The following LRBA variants were observed in gnomAD, a reference collection of about 807,000 sequenced individuals.
The protein encoded by LRBA is LPS responsive beige-like anchor protein.
In LRBA, 176 loss-of-function variants were observed where a neutral mutation model predicts 330.0. The ratio of observed to expected loss-of-function variants is 0.53; its 90% confidence interval spans 0.47 to 0.60. The LOEUF (loss-of-function observed/expected upper bound fraction) is 0.60. LRBA is among the 20% of genes least tolerant of loss of function. The pLI, the probability that LRBA is intolerant of heterozygous loss-of-function variation, is 0.00. For missense variants in LRBA, 3,259 were observed against 3,444.8 expected (o/e 0.95, Z 1.35); for synonymous variants, 1,230 against 1,193.0 (o/e 1.03, Z -0.64).
intron 42 of LRBA, among the ~76,000 whole-genome samples, chr4:150,481,377 A>T (rs1757278436): frequency 6.6e-6 from 1 of 152,112 alleles, no homozygotes. Flanking sequence ...TCTGGATCAC[A>T]TGGGAGCACT....
At chr4:150,733,817 G>T (rs532977742) in intron 36 of LRBA, among the ~76,000 whole-genome samples, 244 of 151,966 alleles carry the variant, frequency 1.6e-3, no homozygotes, top group African/African-American at 5.7e-3. Context: ...TTAATTTTTT[G>T]CATAACTATC....
chr4:150,636,326 T>C (rs1175389487), intron 37 of LRBA, among the ~76,000 whole-genome samples: 1 of 152,186 alleles, frequency 6.6e-6, no homozygotes, highest in Non-Finnish European at 1.5e-5. Flanking sequence ...CAACGGATTA[T>C]AATTTATTGC....
chr4:150,357,258 T>C (rs1034944878), intron 47 of LRBA, among the ~76,000 whole-genome samples: 1 of 151,990 alleles, frequency 6.6e-6, no homozygotes, highest in Non-Finnish European at 1.5e-5. Flanking sequence ...CGTGCATCTT[T>C]TGGCAGGAGA....
chr4:150,286,825 T>C (rs1748185808), intron 53 of LRBA, among the ~76,000 whole-genome samples: 1 of 152,174 alleles, frequency 6.6e-6, no homozygotes, highest in South Asian at 2.1e-4. Flanking sequence ...GGTTGGTTGG[T>C]TGGTTAATAA....
At chr4:150,440,204 G>T (rs1240268781) in intron 44 of LRBA, among the ~76,000 whole-genome samples, 3 of 152,102 alleles carry the variant, frequency 2.0e-5, no homozygotes, top group African/African-American at 7.2e-5. Flanking sequence ...ATTAAAAATG[G>T]TCATAATTTC....
intron 37 of LRBA, among the ~76,000 whole-genome samples, chr4:150,642,027 T>C (rs1404005945): frequency 6.6e-6 from 1 of 152,086 alleles, no homozygotes; most frequent in Non-Finnish European, 1.5e-5. Flanking sequence ...AAATTTAATT[T>C]ACAGCACTGT....
intron 44 of LRBA, among the ~76,000 whole-genome samples, chr4:150,465,455 C>T (rs1257085924): frequency 6.6e-6 from 1 of 152,054 alleles, no homozygotes; most frequent in Non-Finnish European, 1.5e-5. Context: ...ATATAAGCTG[C>T]ACTATCATAC....
intron 22 of LRBA, among the ~76,000 whole-genome samples, chr4:150,862,314 T>C (rs946721973): frequency 1.3e-5 from 2 of 152,056 alleles, no homozygotes; most frequent in Non-Finnish European, 2.9e-5. Flanking sequence ...ATTAAGAAAA[T>C]GTGGCACATG....
intron 46 of LRBA, among the ~76,000 whole-genome samples, chr4:150,432,364 A>T (rs1750504713): frequency 1.7e-5 from 2 of 114,502 alleles, no homozygotes; most frequent in Admixed American, 2.0e-4. Context: ...GTTGACAATT[A>T]TAACTAATAA....
intron 40 of LRBA, among the ~76,000 whole-genome samples, chr4:150,521,793 C>A (rs1470534559): frequency 6.6e-6 from 1 of 152,112 alleles, no homozygotes; most frequent in East Asian, 1.9e-4. Flanking sequence ...ATTGCACTTG[C>A]ATTTATAAGG....
intron 42 of LRBA, 28 bp from the exon 43 acceptor site, chr4:150,471,767 TG>T: frequency 1.1e-6 from 1 of 925,564 alleles, no homozygotes; most frequent in Non-Finnish European, 1.8e-6. Context: ...CAATGTGATA[TG>T]ATTAATTATA....
At position 150,547,069 on chromosome 4, in the gene LRBA, G is replaced by T. The variant is rs114817332; in HGVS notation, c.6330+40979C>A. ...TCAAACATGTCTATTAGAGCCAAAT[G>T]AAAAATTTATAAAATTCACCCAAAA... On this transcript the variant is annotated intron_variant, in intron 40 of 56. Transcript: ENST00000651943. Among the ~76,000 whole-genome samples the T allele has an allele frequency of 1.1e-3, 173 of 152,116 alleles. 3 individuals are homozygous for T. Among genetic ancestry groups the T allele is most frequent in the African/African-American group, 4.1e-3 (169 of 41,536 alleles).
At chr4:150,366,885 C>A (rs1581126427) in intron 47 of LRBA, among the ~76,000 whole-genome samples, 1 of 152,160 alleles carries the variant, frequency 6.6e-6, no homozygotes, top group African/African-American at 2.4e-5. Flanking sequence ...TCAACTCTTT[C>A]AAGTAGGTAT....
chr4:150,915,540 TTTTC>T lies in LRBA; in HGVS notation c.1014+64_1014+67del, dbSNP rs1732489703. 23 of 1,419,758 alleles carry T rather than the reference TTTTC, an allele frequency of 1.6e-5. No individual in the cohort carries two copies. In the Middle Eastern group the frequency reaches 5.5e-4, roughly 34 times the overall value. The allele number at this position is 1,419,758 out of a possible 1,614,324, so 87.9% of individuals were successfully genotyped here. ...AATTTTATATTCAAGTTGTAAAACT[TTTTC>T]TTGTTTAAAAAGCTCATGCTTTTAA... On this transcript the variant is annotated intron_variant, in intron 8 of 56. Coordinates refer to ENST00000651943, the MANE Select transcript of LRBA (RefSeq NM_001364905.1).
At chr4:150,551,033 C>G (rs1766517904) in intron 40 of LRBA, among the ~76,000 whole-genome samples, 1 of 152,058 alleles carries the variant, frequency 6.6e-6, no homozygotes, top group South Asian at 2.1e-4. Flanking sequence ...GTTATGAGGG[C>G]TCTGCCTTCA....
At chr4:150,718,830 G>A (rs557760118) in intron 36 of LRBA, among the ~76,000 whole-genome samples, 28 of 152,088 alleles carry the variant, frequency 1.8e-4, no homozygotes, top group East Asian at 9.6e-4. Context: ...CAATGTATTC[G>A]AGGATTAGAT....
intron 47 of LRBA, among the ~76,000 whole-genome samples, chr4:150,392,327 T>C (rs1046372358): frequency 5.3e-5 from 8 of 152,278 alleles, no homozygotes; most frequent in South Asian, 2.1e-4. Context: ...TTGTAGACAG[T>C]GCCTTCTCAC....
intron 44 of LRBA, among the ~76,000 whole-genome samples, chr4:150,441,835 T>C (rs1279467499): frequency 6.6e-6 from 1 of 152,106 alleles, no homozygotes; most frequent in East Asian, 1.9e-4. Context: ...ATTTCAAAAA[T>C]GTGCTGTAAT....
At chr4:150,628,487 A>G (rs1302818413) in intron 37 of LRBA, among the ~76,000 whole-genome samples, 1 of 152,228 alleles carries the variant, frequency 6.6e-6, no homozygotes, top group Non-Finnish European at 1.5e-5. Flanking sequence ...CAGATAATGT[A>G]TATGTTATAC....
Sources: allele counts gnomAD v4.1 joint callset (sites outside exome capture counted in the v4.1 genomes callset), GRCh38; gene constraint gnomAD v4.1.1; transcripts MANE v1.5; gene names NCBI Gene and HGNC (gene_info 2026-07-23, HGNC 2026-07-21).